Variants in TNR observed in about 807,000 individuals in gnomAD.
TNR encodes the protein tenascin R.
A neutral mutation model predicts 150.4 loss-of-function variants in TNR; 45 were observed. The ratio of observed to expected loss-of-function variants is 0.30; its 90% CI spans 0.24 to 0.38. TNR has a LOEUF of 0.38. Among genes scored for constraint, TNR ranks in the 10% least tolerant of loss-of-function variants. TNR has a pLI of 1.00. For synonymous variants in TNR, 687 were observed against 678.4 expected (o/e 1.01, Z -0.20); for missense variants, 1,544 against 1,759.1 (o/e 0.88, Z 2.19).
chr1:175,408,476 T>A (rs1185734149), intron 2 of TNR, among the ~76,000 whole-genome samples: 5 of 152,262 alleles, frequency 3.3e-5, no homozygotes, highest in Admixed American at 3.3e-4. Flanking sequence ...TGCCTTATTA[T>A]TCAGCCCTTG....
rs1464419575 is a variant in TNR at position 175,657,883 on chromosome 1, A to ATATG, written c.-165+85342_-165+85343insCATA. On this transcript the variant is annotated intron_variant, in intron 1 of 22. Coordinates refer to ENST00000367674, the MANE Select transcript of TNR (RefSeq NM_003285.3). ...TATATATATATATATATATATATAT[A>ATATG]TGTAACAAACCTGCACGTTGTGCAC... Among the ~76,000 whole-genome samples, 823 of 101,060 alleles carry ATATG rather than the reference A, an allele frequency of 8.1e-3. 63 individuals are homozygous for ATATG. The highest frequency in any genetic ancestry group is 0.014 in the South Asian group (40 of 2,774). The allele number at this position is 101,060 out of a possible 152,430, so 66.3% of individuals were successfully genotyped here. A position where few individuals can be genotyped will look rare whatever the true frequency, so the allele number is the denominator to read the frequency against.
At chr1:175,595,537 G>A (rs1301663048) in intron 1 of TNR, among the ~76,000 whole-genome samples, 1 of 152,160 alleles carries the variant, frequency 6.6e-6, no homozygotes, top group Admixed American at 6.5e-5. Context: ...GGTAAAATCG[G>A]TATACTTTTG....
intron 1 of TNR, among the ~76,000 whole-genome samples, chr1:175,656,174 GTGTGTGTGTGTGTGTGTA>G (rs1396628039): frequency 6.6e-6 from 1 of 150,716 alleles, no homozygotes; most frequent in African/African-American, 2.5e-5. Context: ...GTGTGTGTGT[GTGTGTGTGTGTGTGTGTA>G]TGTGGTCTAC....
intron 6 of TNR, among the ~76,000 whole-genome samples, chr1:175,393,440 C>T (rs1159666902): frequency 1.3e-5 from 2 of 152,118 alleles, no homozygotes; most frequent in African/African-American, 2.4e-5. Flanking sequence ...TAAAGAGAAG[C>T]CTCAATTTTT....
In TNR at chr1:175,362,700, C is replaced by T; in HGVS notation, c.2817G>A (p.Arg939=). The change falls in exon 14 of 23, where the codon AGG becomes AGA. Residue 939 remains arginine (R), a synonymous_variant. Coordinates refer to ENST00000367674, the MANE Select transcript of TNR (RefSeq NM_003285.3). ...GAGTACAGATGCGCTCGCTTTCCTC[C>T]CTGCCCCGCACGCTGTTGAGGCTGA... ...YEISLNSVRG[R]EESERICTLV... is the part of the protein sequence containing the mutation. The T allele has an allele frequency of 6.2e-7, 1 of 1,614,156 alleles. No individual in the cohort carries two copies. Among genetic ancestry groups the T allele is most frequent in the Non-Finnish European group, 8.5e-7 (1 of 1,179,994 alleles).
At chr1:175,518,313 A>G (rs1208192369) in intron 2 of TNR, among the ~76,000 whole-genome samples, 1 of 152,184 alleles carries the variant, frequency 6.6e-6, no homozygotes, top group Non-Finnish European at 1.5e-5. Flanking sequence ...CAAGTCACCC[A>G]CAGGGCCAGG....
At chr1:175,523,016 C>A (rs774549465) in intron 2 of TNR, among the ~76,000 whole-genome samples, 1 of 152,194 alleles carries the variant, frequency 6.6e-6, no homozygotes, top group African/African-American at 2.4e-5. Flanking sequence ...CATTGACCTT[C>A]GGGACTCTGC....
intron 2 of TNR, among the ~76,000 whole-genome samples, chr1:175,432,736 C>T (rs1242115770): frequency 6.6e-6 from 1 of 152,096 alleles, no homozygotes; most frequent in Non-Finnish European, 1.5e-5. Flanking sequence ...CTCTGCTCCT[C>T]TTATGCTTAT....
chr1:175,606,896 G>C (rs1019368111), intron 1 of TNR, among the ~76,000 whole-genome samples: 1 of 152,184 alleles, frequency 6.6e-6, no homozygotes. Flanking sequence ...GCACTCCAGG[G>C]CTCCCCTGCA....
intron 2 of TNR, among the ~76,000 whole-genome samples, chr1:175,490,933 A>C (rs978011734): frequency 1.3e-5 from 2 of 152,246 alleles, no homozygotes; most frequent in Non-Finnish European, 2.9e-5. Flanking sequence ...TGTTTATTGC[A>C]GCACTATTCA....
At chr1:175,418,375 C>T (rs1365651273) in intron 2 of TNR, among the ~76,000 whole-genome samples, 4 of 152,148 alleles carry the variant, frequency 2.6e-5, no homozygotes, top group African/African-American at 4.8e-5. Flanking sequence ...GAAAAGATGG[C>T]TTTTGAGCTG....
At chr1:175,593,862 G>A (rs565726885) in intron 1 of TNR, among the ~76,000 whole-genome samples, 2 of 152,264 alleles carry the variant, frequency 1.3e-5, no homozygotes, top group South Asian at 4.2e-4. Context: ...AAACAGATGG[G>A]GCACAGGCAG....
intron 1 of TNR, among the ~76,000 whole-genome samples, chr1:175,670,946 T>A (rs1484269319): frequency 6.6e-6 from 1 of 151,964 alleles, no homozygotes; most frequent in Non-Finnish European, 1.5e-5. Context: ...GAGTGCTCTG[T>A]GGGGGGTAGG....
At chr1:175,623,815 C>T (rs1379611723) in intron 1 of TNR, among the ~76,000 whole-genome samples, 2 of 152,218 alleles carry the variant, frequency 1.3e-5, no homozygotes, top group Non-Finnish European at 2.9e-5. Flanking sequence ...TCCTATCCCC[C>T]CATACTACAG....
intron 1 of TNR, among the ~76,000 whole-genome samples, chr1:175,616,705 A>G (rs567216927): frequency 6.6e-6 from 1 of 152,260 alleles, no homozygotes; most frequent in Admixed American, 6.5e-5. Flanking sequence ...AGCAAGTTTC[A>G]TTTATCTGGC....
intron 1 of TNR, among the ~76,000 whole-genome samples, chr1:175,616,368 G>A (rs185246792): frequency 6.6e-6 from 1 of 152,282 alleles, no homozygotes; most frequent in African/African-American, 2.4e-5. Flanking sequence ...TTGAGAAAGT[G>A]ACACTGATCC....
intron 1 of TNR, among the ~76,000 whole-genome samples, chr1:175,581,473 C>CT (rs1286059991): frequency 6.6e-6 from 1 of 152,194 alleles, no homozygotes; most frequent in Non-Finnish European, 1.5e-5. Flanking sequence ...AGCATTTGCA[C>CT]TTGTCCACCT....
chr1:175,518,151 G>T (rs1659490189), intron 2 of TNR, among the ~76,000 whole-genome samples: 1 of 152,170 alleles, frequency 6.6e-6, no homozygotes, highest in South Asian at 2.1e-4. Context: ...GTAAGCAGTT[G>T]TGTTTACACA....
chr1:175,740,832 TAGAG>T (rs1667906324), intron 1 of TNR, among the ~76,000 whole-genome samples: 1 of 152,126 alleles, frequency 6.6e-6, no homozygotes, highest in South Asian at 2.1e-4. Flanking sequence ...AAAACGTTCT[TAGAG>T]AGAACAGTCA....
Sources: allele counts gnomAD v4.1 joint callset (sites outside exome capture counted in the v4.1 genomes callset), GRCh38; gene constraint gnomAD v4.1.1; transcripts MANE v1.5; gene names NCBI Gene and HGNC (gene_info 2026-07-23, HGNC 2026-07-21).